NXPE2: variants seen among roughly 807,000 people sequenced by gnomAD.
NXPE2 encodes NXPE family member 2.
Under a neutral mutation model 34.4 loss-of-function variants are expected in NXPE2, and 34 were observed. That is an observed-to-expected ratio of 0.99 (90% CI 0.75 to 1.31). The LOEUF is 1.31. Ranked by LOEUF, NXPE2 falls within the 40% of genes most tolerant of loss-of-function variation. NXPE2 has a pLI of 0.00. For synonymous variants in NXPE2, 235 were observed against 231.3 expected (o/e 1.02, Z -0.15); for missense variants, 649 against 672.5 (o/e 0.97, Z 0.39).
the NXPE2 span, among the ~76,000 whole-genome samples, chr11:114,748,653 T>A: frequency 6.6e-6 from 1 of 152,220 alleles, no homozygotes. Context: ...GAATATCACA[T>A]AAGCGATCCT....
At chr11:114,793,260 G>C in the NXPE2 span, among the ~76,000 whole-genome samples, 3 of 152,052 alleles carry the variant, frequency 2.0e-5, no homozygotes, top group Non-Finnish European at 4.4e-5. Context: ...GTGGTACCTT[G>C]GATAGGGCCC....
chr11:114,771,675 A>G, the NXPE2 span, among the ~76,000 whole-genome samples: 1 of 152,154 alleles, frequency 6.6e-6, no homozygotes, highest in Non-Finnish European at 1.5e-5. Context: ...TGCCTTCTCC[A>G]CTATGGCCCC....
chr11:114,606,971 G>T, the NXPE2 span, among the ~76,000 whole-genome samples: 2 of 151,542 alleles, frequency 1.3e-5, no homozygotes, highest in Non-Finnish European at 2.9e-5. Context: ...GTGTTGCCTT[G>T]TGGGTAACCA....
the NXPE2 span, among the ~76,000 whole-genome samples, chr11:114,605,343 G>A: frequency 5.9e-5 from 9 of 151,840 alleles, no homozygotes; most frequent in East Asian, 7.8e-4. Flanking sequence ...GTATTGCCTC[G>A]TGGGTGACCA....
chr11:114,706,699 C>A lies in NXPE2; in HGVS notation c.1449C>A (p.Thr483=). The A allele has an allele frequency of 6.4e-7, 1 of 1,552,102 alleles. No individual in the cohort carries two copies. The highest frequency in any genetic ancestry group is 1.2e-5 in the South Asian group (1 of 84,050). ...GTCTATTCTTGCGAAGCCCGGAGAC[C>A]AAGGTGATACTTAAAACTGAAAACA... ...IERLFLRSPE[T]KVILKTENTR... is the part of the protein sequence containing the mutation. The change falls in exon 6 of 6, where the codon ACC becomes ACA. Residue 483 remains threonine, a synonymous_variant. Coordinates refer to ENST00000389586, the MANE Select transcript of NXPE2 (RefSeq NM_182495.6).
At chr11:114,617,780 T>A in the NXPE2 span, among the ~76,000 whole-genome samples, 2 of 152,110 alleles carry the variant, frequency 1.3e-5, no homozygotes, top group Non-Finnish European at 2.9e-5. Flanking sequence ...AAGTGTTGCC[T>A]TGTGGGTAAG....
At chr11:114,578,268 A>T in the NXPE2 span, among the ~76,000 whole-genome samples, 3 of 152,194 alleles carry the variant, frequency 2.0e-5, no homozygotes, top group Non-Finnish European at 4.4e-5. Context: ...CTTCCAACTT[A>T]CTTCAGTTTT....
chr11:114,805,385 A>G, the NXPE2 span, among the ~76,000 whole-genome samples: 85 of 152,226 alleles, frequency 5.6e-4, no homozygotes, highest in South Asian at 4.8e-3. Flanking sequence ...GAAGCAGGGC[A>G]AGGCATCGCC....
the NXPE2 span, among the ~76,000 whole-genome samples, chr11:114,713,908 CAATGACAACCAG>C: frequency 1.3e-5 from 2 of 152,168 alleles, no homozygotes; most frequent in African/African-American, 4.8e-5. Flanking sequence ...CATGAGTTTT[CAATGACAACCAG>C]ATGCAAAAAG....
the NXPE2 span, among the ~76,000 whole-genome samples, chr11:114,574,226 A>G: frequency 6.6e-6 from 1 of 152,106 alleles, no homozygotes; most frequent in Non-Finnish European, 1.5e-5. Flanking sequence ...TTAAGAGGAA[A>G]GTTCATAGAC....
the NXPE2 span, among the ~76,000 whole-genome samples, chr11:114,791,501 C>G: frequency 6.6e-6 from 1 of 152,258 alleles, no homozygotes; most frequent in Non-Finnish European, 1.5e-5. Flanking sequence ...AGTTGTAATT[C>G]AGGCAGAATA....
chr11:114,665,290 T>G, the NXPE2 span, among the ~76,000 whole-genome samples: 1 of 152,288 alleles, frequency 6.6e-6, no homozygotes, highest in East Asian at 1.9e-4. Context: ...TGCTAATTTC[T>G]CCCCCACAAT....
At chr11:114,549,759 A>G in the NXPE2 span, among the ~76,000 whole-genome samples, 1 of 152,112 alleles carries the variant, frequency 6.6e-6, no homozygotes, top group Non-Finnish European at 1.5e-5. Flanking sequence ...GCAATTCGAG[A>G]CACTGGAATT....
chr11:114,539,310 C>G, the NXPE2 span, among the ~76,000 whole-genome samples: 29 of 151,784 alleles, frequency 1.9e-4, 1 homozygote, highest in South Asian at 5.4e-3. Flanking sequence ...GGAGGGATAG[C>G]ATTAGGAGAT....
the NXPE2 span, among the ~76,000 whole-genome samples, chr11:114,492,863 T>A: frequency 6.6e-6 from 1 of 152,168 alleles, no homozygotes; most frequent in Non-Finnish European, 1.5e-5. Context: ...CTTTGTTGAT[T>A]TTCTGTCTGG....
the NXPE2 span, among the ~76,000 whole-genome samples, chr11:114,730,346 T>C: frequency 7.9e-5 from 12 of 152,218 alleles, no homozygotes; most frequent in African/African-American, 2.9e-4. Context: ...ATGCTCCGGT[T>C]GTGTTCTTTT....
chr11:114,677,269 A>C (rs1433117486), upstream of NXPE2, among the ~76,000 whole-genome samples: 7 of 152,044 alleles, frequency 4.6e-5, no homozygotes, highest in Admixed American at 2.0e-4. Context: ...ACTAGATCTT[A>C]AGCGTTCTCA....
chr11:114,651,936 C>A, the NXPE2 span, among the ~76,000 whole-genome samples: 1 of 152,148 alleles, frequency 6.6e-6, no homozygotes, highest in Non-Finnish European at 1.5e-5. Context: ...AAGAAACAAA[C>A]CAAATTATTA....
the NXPE2 span, among the ~76,000 whole-genome samples, chr11:114,631,270 A>C: frequency 6.6e-6 from 1 of 151,832 alleles, no homozygotes; most frequent in Middle Eastern, 3.2e-3. Context: ...CTTGGAACCA[A>C]CCAAAATGTC....
Sources: gnomAD v4.1 joint callset for allele counts (sites outside exome capture counted in the v4.1 genomes callset) on GRCh38, gnomAD v4.1.1 for gene constraint, MANE v1.5 for transcripts, NCBI Gene and HGNC (gene_info 2026-07-23, HGNC 2026-07-21) for gene names.